The following DENND1A variants were observed in gnomAD, a reference collection of about 807,000 sequenced individuals.
DENND1A encodes the protein DENN domain containing 1A.
A neutral mutation model predicts 113.7 loss-of-function variants in DENND1A; 51 were observed. That is an observed-to-expected ratio of 0.45 (90% CI 0.36 to 0.57). The LOEUF (loss-of-function observed/expected upper bound fraction) is 0.57, where lower values mean the gene tolerates loss of function less well. DENND1A is among the 20% of genes least tolerant of loss of function. The pLI is 0.00. For synonymous variants in DENND1A, 565 were observed against 570.8 expected (o/e 0.99, Z 0.14); for missense variants, 1,258 against 1,395.9 (o/e 0.90, Z 1.57).
chr9:123,767,516 A>G (rs1243442848), intron 4 of DENND1A, among the ~76,000 whole-genome samples: 1 of 152,212 alleles, frequency 6.6e-6, no homozygotes, highest in Non-Finnish European at 1.5e-5. Context: ...TATTTTTGGT[A>G]ACAAAAAAGA....
intron 13 of DENND1A, among the ~76,000 whole-genome samples, chr9:123,459,643 A>G (rs1356392619): frequency 6.6e-6 from 1 of 152,134 alleles, no homozygotes; most frequent in East Asian, 1.9e-4. Flanking sequence ...TCAGCGGTGT[A>G]TTCTCAATTC....
chr9:123,874,465 T>C (rs1317487812), intron 2 of DENND1A, among the ~76,000 whole-genome samples: 2 of 152,090 alleles, frequency 1.3e-5, no homozygotes, highest in Non-Finnish European at 2.9e-5. Context: ...ATAAAAGATA[T>C]TCACGAGGCC....
At chr9:123,525,336 G>A (rs921488733) in intron 13 of DENND1A, among the ~76,000 whole-genome samples, 1 of 152,186 alleles carries the variant, frequency 6.6e-6, no homozygotes, top group African/African-American at 2.4e-5. Flanking sequence ...CTTGTTGGGG[G>A]TAAGTGGGAA....
At chr9:123,441,625 G>A (rs775049000) in intron 18 of DENND1A, among the ~76,000 whole-genome samples, 47 of 152,172 alleles carry the variant, frequency 3.1e-4, no homozygotes, top group Non-Finnish European at 6.3e-4. Flanking sequence ...CATGGATGGG[G>A]CCACTCATGC....
chr9:123,664,029 G>A (rs569794285), intron 8 of DENND1A, among the ~76,000 whole-genome samples: 12 of 152,214 alleles, frequency 7.9e-5, no homozygotes, highest in African/African-American at 2.2e-4. Flanking sequence ...TGGGGTTCCC[G>A]GTTGCACACT....
At chr9:123,645,469 A>C (rs1284706175) in intron 9 of DENND1A, among the ~76,000 whole-genome samples, 1 of 152,206 alleles carries the variant, frequency 6.6e-6, no homozygotes, top group Non-Finnish European at 1.5e-5. Flanking sequence ...TCTTAAGGAA[A>C]TAAAAGGCAA....
At chr9:123,847,433 A>T (rs1842774402) in intron 2 of DENND1A, among the ~76,000 whole-genome samples, 1 of 152,236 alleles carries the variant, frequency 6.6e-6, no homozygotes, top group East Asian at 1.9e-4. Flanking sequence ...CTAGAAAACA[A>T]GACACAAAAA....
chr9:123,647,695 C>T (rs1484191154), intron 9 of DENND1A, among the ~76,000 whole-genome samples: 1 of 152,226 alleles, frequency 6.6e-6, no homozygotes, highest in Non-Finnish European at 1.5e-5. Context: ...CAGTTCCTCA[C>T]TCAGCTTCTA....
intron 2 of DENND1A, among the ~76,000 whole-genome samples, chr9:123,875,702 A>G (rs765454751): frequency 2.6e-5 from 4 of 152,160 alleles, no homozygotes; most frequent in Non-Finnish European, 4.4e-5. Flanking sequence ...CAGGGGAGAG[A>G]CTCACACAGG....
chr9:123,845,687 AAAAAAAAAG>A (rs1332949189), intron 2 of DENND1A, among the ~76,000 whole-genome samples: 2 of 150,390 alleles, frequency 1.3e-5, no homozygotes, highest in Non-Finnish European at 3.0e-5. Flanking sequence ...AAAAAAAAAA[AAAAAAAAAG>A]AGGAATAAAA....
chr9:123,740,419 C>G (rs2068910222), intron 5 of DENND1A, among the ~76,000 whole-genome samples: 1 of 152,166 alleles, frequency 6.6e-6, no homozygotes, highest in African/African-American at 2.4e-5. Flanking sequence ...ATAAATCTCC[C>G]ATTTAGAGTC....
intron 2 of DENND1A, among the ~76,000 whole-genome samples, chr9:123,853,737 A>C (rs1843732726): frequency 1.3e-5 from 2 of 152,186 alleles, no homozygotes; most frequent in Admixed American, 1.3e-4. Context: ...GAGGGTCTCC[A>C]AGAGATTTGT....
chr9:123,420,152 G>A (rs2045129430), intron 19 of DENND1A, among the ~76,000 whole-genome samples: 1 of 152,214 alleles, frequency 6.6e-6, no homozygotes, highest in Non-Finnish European at 1.5e-5. Flanking sequence ...CTCACACAGG[G>A]CAACAAGGAC....
At chr9:123,888,286 G>GCTCA (rs1441909843) in intron 1 of DENND1A, among the ~76,000 whole-genome samples, 1 of 152,178 alleles carries the variant, frequency 6.6e-6, no homozygotes. Context: ...GGCAGTCTGA[G>GCTCA]CATCCAAATC....
rs112390000 is a variant in DENND1A at position 123,726,255 on chromosome 9, C to G, written c.302+31448G>C. On this transcript the variant is annotated intron_variant, in intron 5 of 23. Transcript: ENST00000394215. Reference sequence around the variant, plus strand: ...TCATTTTCAGAAGAAGTCATTTTTACGAAGAAAAGCTCTCATTTGTAAAGG... The same window carrying G: ...TCATTTTCAGAAGAAGTCATTTTTAGGAAGAAAAGCTCTCATTTGTAAAGG... Among the ~76,000 whole-genome samples the G allele has an allele frequency of 2.0e-5, 3 of 152,242 alleles. No individual in the cohort carries two copies. In the South Asian group the frequency reaches 6.2e-4, roughly 32 times the overall value.
Position 123,381,731 on chromosome 9 carries a change from G to A in DENND1A, c.2914C>T (p.Leu972=). 6.6e-7 allele frequency: 1 copy of A among 1,526,178 alleles called. No homozygotes were observed. The highest frequency in any genetic ancestry group is 8.8e-7 in the Non-Finnish European group (1 of 1,136,044). 94.5% of individuals were successfully genotyped at this position (1,526,178 alleles called of 1,614,324 possible). Residue 972 remains leucine, a synonymous_variant, in exon 24 of 24, where the codon CTG becomes TTG. Transcript: ENST00000394215. This position sits in a 1 kb window ranked among gnomAD's most constrained non-coding sequence, Gnocchi z 4.7. ...GACGGGGCAACTGCTGGGGGACCCAGCGGCTGTAGGGGGCTCGTGTGGGTG... is the reference window on the plus strand; with the variant it reads ...GACGGGGCAACTGCTGGGGGACCCAACGGCTGTAGGGGGCTCGTGTGGGTG... The part of the protein sequence containing the change: ...MGTHTSPLQP[L]GPPAVAPSRI...
intron 12 of DENND1A, among the ~76,000 whole-genome samples, chr9:123,562,537 T>C (rs1027946382): frequency 1.3e-5 from 2 of 152,200 alleles, no homozygotes; most frequent in African/African-American, 4.8e-5. Flanking sequence ...ATGTACAGCA[T>C]GAACCATTTA....
chr9:123,873,639 G>T (rs1054606670), intron 2 of DENND1A, among the ~76,000 whole-genome samples: 1 of 152,226 alleles, frequency 6.6e-6, no homozygotes, highest in Middle Eastern at 3.4e-3. Flanking sequence ...AAAAATCACC[G>T]ATGAGGAATC....
At chr9:123,674,915 G>A (rs1054270884) in intron 6 of DENND1A, among the ~76,000 whole-genome samples, 1 of 148,996 alleles carries the variant, frequency 6.7e-6, no homozygotes, top group Non-Finnish European at 1.5e-5. Flanking sequence ...AACCTGTTAA[G>A]AGCCTACATA....
Sources: gnomAD v4.1 joint callset for allele counts (sites outside exome capture counted in the v4.1 genomes callset) on GRCh38, gnomAD v4.1.1 for gene constraint, Gnocchi (gnomAD v3.1) non-coding constraint, MANE v1.5 for transcripts, NCBI Gene and HGNC (gene_info 2026-07-23, HGNC 2026-07-21) for gene names.